The following LMNTD1 variants were observed in gnomAD, a reference collection of about 807,000 sequenced individuals.
LMNTD1 encodes lamin tail domain-containing protein 1.
In LMNTD1, 35 loss-of-function variants were observed where a neutral mutation model predicts 50.9. The ratio of observed to expected loss-of-function variants is 0.69; its 90% confidence interval spans 0.53 to 0.91. LMNTD1 has a LOEUF of 0.91. Among genes scored for constraint, LMNTD1 ranks in the 40% least tolerant of loss-of-function variants. The pLI is 0.00. For missense variants in LMNTD1, 470 were observed against 475.5 expected, an observed-to-expected ratio of 0.99 and a Z score of 0.11; for synonymous variants, 153 against 161.9, an observed-to-expected ratio of 0.94 and a Z score of 0.42.
At chr12:25,647,744 A>G (rs771295085) in intron 1 of LMNTD1, among the ~76,000 whole-genome samples, 1 of 152,182 alleles carries the variant, frequency 6.6e-6, no homozygotes, top group Non-Finnish European at 1.5e-5. Context: ...AGCATTTGCT[A>G]TTATTTTAAA....
chr12:25,488,203 T>C (rs1938734373), intron 9 of LMNTD1, among the ~76,000 whole-genome samples: 1 of 139,206 alleles, frequency 7.2e-6, no homozygotes, highest in Middle Eastern at 3.4e-3. Context: ...GGGGAAGTTC[T>C]CCTGGATAAT....
At chr12:25,525,657 T>C (rs1305133126) in intron 6 of LMNTD1, among the ~76,000 whole-genome samples, 1 of 152,130 alleles carries the variant, frequency 6.6e-6, no homozygotes, top group Non-Finnish European at 1.5e-5. Context: ...TGATGTGTTG[T>C]GGCATTTAGT....
intron 4 of LMNTD1, among the ~76,000 whole-genome samples, chr12:25,532,945 A>T (rs902957773): frequency 1.3e-5 from 2 of 152,134 alleles, no homozygotes; most frequent in Non-Finnish European, 1.5e-5. Flanking sequence ...TTTTGTTTTT[A>T]AACAGATAAG....
intron 1 of LMNTD1, among the ~76,000 whole-genome samples, chr12:25,640,885 T>C (rs924561868): frequency 1.3e-5 from 2 of 152,160 alleles, no homozygotes; most frequent in Non-Finnish European, 1.5e-5. Flanking sequence ...GCCAGGATGG[T>C]CTCGATCTCC....
At chr12:25,563,264 A>G (rs537422290) in intron 1 of LMNTD1, among the ~76,000 whole-genome samples, 3 of 152,194 alleles carry the variant, frequency 2.0e-5, no homozygotes, top group Non-Finnish European at 2.9e-5. Context: ...GTTTCTCCCT[A>G]TGTTTGTGGT....
chr12:25,518,948 T>C lies in LMNTD1; in HGVS notation c.1036A>G (p.Thr346Ala). The C allele has an allele frequency of 6.2e-7, 1 of 1,614,052 alleles. No homozygotes were observed. Among genetic ancestry groups the C allele is most frequent in the Non-Finnish European group, 8.5e-7 (1 of 1,179,984 alleles). Residue 346 changes from threonine (T) to alanine (A), a missense_variant, in exon 8 of 10, where the codon ACC becomes GCC. Physicochemically the swap from Thr to Ala is moderately conservative, Grantham distance 58. Transcript: ENST00000458174. Reference protein sequence around the residue: ...LLKREKEIPPTVFPNRSPWCQ... With the variant: ...LLKREKEIPPAVFPNRSPWCQ... ...CAAGGGCTGCGATTAGGGAAAACGG[T>C]TGGTGGGATTTCCTTCTCTCTGTAA... is the stretch of plus-strand genomic sequence containing the variant.
At chr12:25,599,927 A>C (rs1276912066) in intron 1 of LMNTD1, among the ~76,000 whole-genome samples, 1 of 151,890 alleles carries the variant, frequency 6.6e-6, no homozygotes, top group Non-Finnish European at 1.5e-5. Flanking sequence ...ATGACATTCT[A>C]CACAGAAATA....
intron 9 of LMNTD1, among the ~76,000 whole-genome samples, chr12:25,490,773 G>A (rs1399461713): frequency 6.6e-6 from 1 of 152,164 alleles, no homozygotes; most frequent in Admixed American, 6.5e-5. Context: ...AATATATGGA[G>A]ATTTGTGCTT....
chr12:25,596,021 C>T (rs556249420), intron 1 of LMNTD1, among the ~76,000 whole-genome samples: 1 of 152,050 alleles, frequency 6.6e-6, no homozygotes, highest in East Asian at 1.9e-4. Flanking sequence ...ACATATAAAA[C>T]CCTCCTAGCT....
chr12:25,580,146 A>G (rs1280312852), intron 1 of LMNTD1, among the ~76,000 whole-genome samples: 2 of 152,152 alleles, frequency 1.3e-5, no homozygotes, highest in African/African-American at 4.8e-5. Context: ...CTAGAATGCC[A>G]TGTCCTCTTT....
intron 1 of LMNTD1, among the ~76,000 whole-genome samples, chr12:25,628,333 A>T (rs1592119605): frequency 6.6e-6 from 1 of 152,182 alleles, no homozygotes; most frequent in East Asian, 1.9e-4. Context: ...ATTCAACTAT[A>T]TCCCAAAACA....
chr12:25,606,516 A>T (rs1404856103), intron 1 of LMNTD1, among the ~76,000 whole-genome samples: 1 of 152,116 alleles, frequency 6.6e-6, no homozygotes, highest in Non-Finnish European at 1.5e-5. Flanking sequence ...ATCAATACCT[A>T]ATTTATTGAG....
chr12:25,607,804 T>C (rs1046695320), intron 1 of LMNTD1, among the ~76,000 whole-genome samples: 1 of 152,238 alleles, frequency 6.6e-6, no homozygotes, highest in Non-Finnish European at 1.5e-5. Context: ...GAAGAATGTA[T>C]ATTCTGTTGA....
chr12:25,546,441 T>C lies in LMNTD1; in HGVS notation c.424A>G (p.Asn142Asp), dbSNP rs1484869611. Residue 142 changes from asparagine (N) to aspartate (D), a missense_variant, in exon 4 of 10, where the codon AAC becomes GAC. Asn to Asp is a conservative substitution (Grantham distance 23). Coordinates refer to ENST00000458174, the MANE Select transcript of LMNTD1 (RefSeq NM_001145728.2). ...TATTTTAAAGTTTTCTGAGTGTAGT[T>C]TGAGTGTGCTGTAAGTTTCTTTGAA... ...GDSKKLTAHS[N>D]YTQKTLKYFS... 1 of 1,601,032 alleles carries C rather than the reference T, an allele frequency of 6.2e-7. No homozygotes were observed. Among genetic ancestry groups the C allele is most frequent in the South Asian group, 1.1e-5 (1 of 89,284 alleles).
At chr12:25,509,311 T>C (rs973658964) in intron 8 of LMNTD1, among the ~76,000 whole-genome samples, 1 of 152,222 alleles carries the variant, frequency 6.6e-6, no homozygotes, top group Non-Finnish European at 1.5e-5. Context: ...TTTCACCATG[T>C]TGGCCAGGCT....
At chr12:25,642,333 G>A (rs554360022) in intron 1 of LMNTD1, among the ~76,000 whole-genome samples, 2 of 152,244 alleles carry the variant, frequency 1.3e-5, no homozygotes, top group African/African-American at 4.8e-5. Flanking sequence ...CCCCCATAAT[G>A]TGATTAAATA....
intron 1 of LMNTD1, among the ~76,000 whole-genome samples, chr12:25,641,026 T>C (rs1194342000): frequency 6.6e-6 from 1 of 152,176 alleles, no homozygotes; most frequent in South Asian, 2.1e-4. Context: ...TTACTCATAC[T>C]ACAAACATTT....
At chr12:25,631,283 C>T (rs1027108556) in intron 1 of LMNTD1, among the ~76,000 whole-genome samples, 4 of 152,152 alleles carry the variant, frequency 2.6e-5, no homozygotes, top group Admixed American at 2.0e-4. Context: ...TTCTTCTGCA[C>T]GCTACCACAG....
intron 4 of LMNTD1, among the ~76,000 whole-genome samples, chr12:25,539,121 A>G (rs1942855116): frequency 6.7e-6 from 1 of 148,338 alleles, no homozygotes; most frequent in South Asian, 2.2e-4. Context: ...ACACATTAAT[A>G]ATGGGAGACT....
Sources: allele counts gnomAD v4.1 joint callset (sites outside exome capture counted in the v4.1 genomes callset), GRCh38; gene constraint gnomAD v4.1.1; transcripts MANE v1.5; gene names NCBI Gene and HGNC (gene_info 2026-07-23, HGNC 2026-07-21).